AFF2: variants seen among roughly 807,000 people sequenced by gnomAD.
The protein encoded by AFF2 is ALF transcription elongation factor 2.
Under a neutral mutation model 76.9 loss-of-function variants are expected in AFF2, and 14 were observed. The observed-to-expected ratio is 0.18, with a 90% CI of 0.12 to 0.28. The LOEUF (loss-of-function observed/expected upper bound fraction) is 0.28. Ranked by LOEUF, AFF2 falls within the 10% of genes least tolerant of loss-of-function variation. AFF2 has a pLI of 1.00. For missense variants in AFF2, 868 were observed against 1,001.1 expected (o/e 0.87, Z 1.79); for synonymous variants, 398 against 366.7 (o/e 1.09, Z -0.98).
intron 7 of AFF2, among the ~76,000 whole-genome samples, chrX:148,861,197 T>G (rs2070844251): frequency 8.9e-6 from 1 of 111,858 alleles, no homozygotes; most frequent in South Asian, 3.7e-4. Flanking sequence ...TAAAAGTTAC[T>G]TATTAATATC....
chrX:148,865,659 C>T (rs1243327058), intron 7 of AFF2, among the ~76,000 whole-genome samples: 2 of 111,930 alleles, frequency 1.8e-5, no homozygotes, highest in Non-Finnish European at 3.8e-5. Flanking sequence ...ATCTGGGTAA[C>T]AATACATTAC....
intron 19 of AFF2, among the ~76,000 whole-genome samples, chrX:148,985,929 T>C (rs781978230): frequency 2.8e-4 from 31 of 110,270 alleles, no homozygotes; most frequent in Non-Finnish European, 4.5e-4. Context: ...CCTGTGTGAG[T>C]CTCAAGAGCA....
chrX:148,798,889 GAC>G (rs1361690272), intron 3 of AFF2, among the ~76,000 whole-genome samples: 1 of 111,527 alleles, frequency 9.0e-6, no homozygotes, highest in African/African-American at 3.3e-5. Context: ...GACCCTTTAT[GAC>G]ACACACTATG....
chrX:148,953,521 C>T, intron 9 of AFF2, 59 bp from the exon 10 acceptor site: 1 of 1,142,621 alleles, frequency 8.8e-7, no homozygotes, highest in Non-Finnish European at 1.2e-6. Context: ...CTGAACTGGG[C>T]TGTTTTCCAT....
At chrX:148,561,207 AT>A (rs1569551289) in intron 1 of AFF2, among the ~76,000 whole-genome samples, 1 of 112,069 alleles carries the variant, frequency 8.9e-6, no homozygotes, top group Non-Finnish European at 1.9e-5. Flanking sequence ...AACATTTGAG[AT>A]TTCTTTTAGC....
chrX:148,780,126 G>A (rs948580631), intron 3 of AFF2, among the ~76,000 whole-genome samples: 1 of 112,197 alleles, frequency 8.9e-6, no homozygotes, highest in Non-Finnish European at 1.9e-5. Context: ...GCTGTTAATC[G>A]AATAGGCTTC....
intron 1 of AFF2, among the ~76,000 whole-genome samples, chrX:148,589,061 G>A (rs1482298764): frequency 9.1e-6 from 1 of 110,141 alleles, no homozygotes; most frequent in African/African-American, 3.3e-5. Flanking sequence ...TCGGTGCAGT[G>A]ACAAGACAAT....
intron 12 of AFF2, among the ~76,000 whole-genome samples, chrX:148,959,042 C>T (rs1330095523): frequency 2.8e-5 from 3 of 108,537 alleles, no homozygotes; most frequent in Non-Finnish European, 5.7e-5. Context: ...CAGAACTGTC[C>T]CAGGAGGAGG....
At chrX:148,796,281 A>T (rs2069981506) in intron 3 of AFF2, among the ~76,000 whole-genome samples, 1 of 110,326 alleles carries the variant, frequency 9.1e-6, no homozygotes, top group South Asian at 3.9e-4. Flanking sequence ...CTGGAGGGAA[A>T]TTTCCCAATC....
In AFF2 at chrX:148,992,332, A is replaced by C. The variant is rs977541839; in HGVS notation, c.*1000A>C. 8.9e-6 allele frequency: 1 copy of C among 112,391 alleles called. No homozygotes were observed. Among genetic ancestry groups the C allele is most frequent in the African/African-American group, 3.2e-5 (1 of 30,941 alleles). The allele number at this position is 112,391 out of a possible 1,213,427, so 9.3% of individuals were successfully genotyped here. A position where few individuals can be genotyped will look rare whatever the true frequency, so the allele number is the denominator to read the frequency against. ...TTGTATTTTGCTCAAATCTATGGGA[A>C]CAAAAGTCAAGGTATCACTACCTAG... On this transcript the variant is annotated 3_prime_UTR_variant, in exon 21 of 21. Coordinates refer to ENST00000370460, the MANE Select transcript of AFF2 (RefSeq NM_002025.4).
intron 9 of AFF2, among the ~76,000 whole-genome samples, chrX:148,931,873 C>G (rs1387783909): frequency 3.6e-5 from 4 of 112,075 alleles, no homozygotes; most frequent in African/African-American, 9.7e-5. Context: ...TGTTCATTTG[C>G]TACTTACATG....
At chrX:148,716,724 T>C (rs1557263392) in intron 3 of AFF2, among the ~76,000 whole-genome samples, 1 of 111,610 alleles carries the variant, frequency 9.0e-6, no homozygotes, top group Non-Finnish European at 1.9e-5. Context: ...TACATAGGAA[T>C]AGTGACTTAC....
At chrX:148,666,801 A>C (rs1169494610) in intron 3 of AFF2, among the ~76,000 whole-genome samples, 1 of 111,258 alleles carries the variant, frequency 9.0e-6, no homozygotes, top group Non-Finnish European at 1.9e-5. Context: ...ATGGTGCTTT[A>C]TTAGGAAATG....
At chrX:148,880,610 C>T (rs1418396389) in intron 7 of AFF2, among the ~76,000 whole-genome samples, 1 of 111,598 alleles carries the variant, frequency 9.0e-6, no homozygotes, top group South Asian at 3.8e-4. Flanking sequence ...CTCTGATTGC[C>T]ATGAACTCTG....
intron 3 of AFF2, among the ~76,000 whole-genome samples, chrX:148,732,663 A>T (rs1214957159): frequency 9.4e-6 from 1 of 106,911 alleles, no homozygotes; most frequent in Non-Finnish European, 1.9e-5. Flanking sequence ...CAGTATTCTG[A>T]TCTTGTTTAG....
intron 1 of AFF2, among the ~76,000 whole-genome samples, chrX:148,570,380 A>G (rs2053215892): frequency 8.9e-6 from 1 of 112,373 alleles, no homozygotes; most frequent in African/African-American, 3.2e-5. Context: ...CACACCACAC[A>G]CATAGGTGGA....
At chrX:148,525,217 G>C (rs986186614) in intron 1 of AFF2, among the ~76,000 whole-genome samples, 1 of 111,737 alleles carries the variant, frequency 8.9e-6, no homozygotes, top group Non-Finnish European at 1.9e-5. Context: ...GTTTGCTGAA[G>C]TAATAACTTT....
At chrX:148,624,810 C>T (rs1557251787) in intron 1 of AFF2, among the ~76,000 whole-genome samples, 1 of 111,935 alleles carries the variant, frequency 8.9e-6, no homozygotes, top group African/African-American at 3.2e-5. Flanking sequence ...CCTTTTTATA[C>T]TTGCACATCA....
At chrX:148,639,369 T>A (rs2054064982) in intron 1 of AFF2, among the ~76,000 whole-genome samples, 1 of 112,321 alleles carries the variant, frequency 8.9e-6, no homozygotes, top group African/African-American at 3.2e-5. Flanking sequence ...ATAAGGCTAA[T>A]ATCATCTCAA....
Sources: gnomAD v4.1 joint callset for allele counts (sites outside exome capture counted in the v4.1 genomes callset) on GRCh38, gnomAD v4.1.1 for gene constraint, MANE v1.5 for transcripts, NCBI Gene and HGNC (gene_info 2026-07-23, HGNC 2026-07-21) for gene names.